USP25: variants seen among roughly 807,000 people sequenced by gnomAD.
USP25 encodes the protein ubiquitin specific peptidase 25.
In USP25, 85 loss-of-function variants were observed where a neutral mutation model predicts 158.5. That is an observed-to-expected ratio of 0.54 (90% CI 0.45 to 0.64). USP25 has a LOEUF of 0.64. Among genes scored for constraint, USP25 ranks in the 30% least tolerant of loss-of-function variants. The pLI, the probability that USP25 is intolerant of heterozygous loss-of-function variation, is 0.00. For missense variants in USP25, 1,242 were observed against 1,327.3 expected, an observed-to-expected ratio of 0.94 and a Z score of 1.00; for synonymous variants, 464 against 460.4, an observed-to-expected ratio of 1.01 and a Z score of -0.10.
intron 11 of USP25, among the ~76,000 whole-genome samples, chr21:15,824,741 C>T (rs755046681): frequency 5.9e-5 from 9 of 152,228 alleles, no homozygotes; most frequent in Non-Finnish European, 1.2e-4. Flanking sequence ...CTCAGCTTCC[C>T]GAGTAGCTGG....
chr21:15,754,377 A>G (rs1370028582), intron 1 of USP25, among the ~76,000 whole-genome samples: 1 of 152,208 alleles, frequency 6.6e-6, no homozygotes, highest in Non-Finnish European at 1.5e-5. Flanking sequence ...GCCAGGCATT[A>G]TATGTATGTA....
intron 22 of USP25, among the ~76,000 whole-genome samples, chr21:15,869,101 A>G (rs542001967): frequency 6.6e-6 from 1 of 152,246 alleles, no homozygotes; most frequent in South Asian, 2.1e-4. Flanking sequence ...TTAAGTAATT[A>G]ACTGGAACTG....
At chr21:15,855,803 T>A (rs371956362) in intron 20 of USP25, among the ~76,000 whole-genome samples, 28 of 152,326 alleles carry the variant, frequency 1.8e-4, no homozygotes, top group African/African-American at 6.5e-4. Context: ...GTACCTTTTT[T>A]CCGCCTTCCC....
intron 16 of USP25, among the ~76,000 whole-genome samples, chr21:15,831,860 C>G (rs1000552633): frequency 1.3e-5 from 2 of 152,092 alleles, no homozygotes; most frequent in Non-Finnish European, 2.9e-5. Flanking sequence ...TTCGTCCTTG[C>G]TAAAAATGCT....
chr21:15,778,103 T>G, intron 4 of USP25, 76 bp downstream of exon 4: 1 of 1,311,146 alleles, frequency 7.6e-7, no homozygotes, highest in Non-Finnish European at 1.0e-6. Context: ...AAATTAATTT[T>G]AAGAGGTAAT....
chr21:15,826,535 T>A lies in USP25; in HGVS notation c.1466+170T>A, dbSNP rs2146363584. Among the ~76,000 whole-genome samples, 2 of 152,348 alleles carry A rather than the reference T, an allele frequency of 1.3e-5. No homozygotes were observed. Among genetic ancestry groups the A allele is most frequent in the South Asian group, 4.1e-4 (2 of 4,828 alleles). ...ATGTCCTCTGGGAGTTTTTTTATTA[T>A]TTCAGTAGATTTTATGGTTATGGAT... is the stretch of plus-strand genomic sequence containing the variant. On this transcript the variant is annotated intron_variant, in intron 13 of 25. Coordinates refer to ENST00000400183, the MANE Select transcript of USP25 (RefSeq NM_001283041.3). This position sits in a 1 kb window ranked among gnomAD's most constrained non-coding sequence, Gnocchi z 4.8.
At chr21:15,863,564 A>G (rs1367918252) in intron 20 of USP25, among the ~76,000 whole-genome samples, 2 of 152,180 alleles carry the variant, frequency 1.3e-5, no homozygotes, top group Admixed American at 6.5e-5. Flanking sequence ...GTTCAAACTG[A>G]TGCTTAGAAA....
chr21:15,828,841 G>C (rs577009740), intron 14 of USP25, among the ~76,000 whole-genome samples: 18 of 152,272 alleles, frequency 1.2e-4, no homozygotes, highest in Middle Eastern at 3.4e-3. Context: ...GTTTCACCAT[G>C]TTGGCCAGGG....
At chr21:15,828,037 T>A (rs2037612849) in intron 14 of USP25, among the ~76,000 whole-genome samples, 1 of 152,094 alleles carries the variant, frequency 6.6e-6, no homozygotes, top group Non-Finnish European at 1.5e-5. Flanking sequence ...TATTGATTTT[T>A]GAAAAAAATG....
Position 15,866,320 on chromosome 21 carries a change from A to G in USP25, c.2781A>G (p.Glu927=). The G allele has an allele frequency of 1.2e-6, 2 of 1,604,934 alleles. No homozygotes were observed. The highest frequency in any genetic ancestry group is 1.7e-6 in the Non-Finnish European group (2 of 1,175,692). The stretch of plus-strand genomic sequence containing the variant: ...CCAAACTGGAAATGATAAAACCTGA[A>G]GAAGTAAACTTGGAGGAATATGAGG... The part of the protein sequence containing the change: ...AQAKLEMIKP[E]EVNLEEYEEW... The change falls in exon 22 of 26, where the codon GAA becomes GAG. Residue 927 remains glutamate (E), a synonymous_variant. Transcript: ENST00000400183.
intron 6 of USP25, among the ~76,000 whole-genome samples, chr21:15,802,820 G>T (rs2036197569): frequency 6.6e-6 from 1 of 151,566 alleles, no homozygotes; most frequent in South Asian, 2.1e-4. Context: ...AGAAATCTGT[G>T]AACCAAATAT....
chr21:15,772,679 A>C (rs553917223), intron 3 of USP25, among the ~76,000 whole-genome samples: 1 of 152,334 alleles, frequency 6.6e-6, no homozygotes, highest in South Asian at 2.1e-4. Flanking sequence ...TTTTTATTAT[A>C]AATTGATAAT....
chr21:15,818,512 A>G (rs2037064639), intron 9 of USP25, among the ~76,000 whole-genome samples, 186 bp from the exon 10 acceptor site: 1 of 152,144 alleles, frequency 6.6e-6, no homozygotes, highest in Admixed American at 6.6e-5. Context: ...TGTAATATCT[A>G]TGGCTGGGTA....
rs1356075636 is a variant in USP25, at chr21:15,875,119, C to T, written c.3009+593C>T. Reference sequence around the variant, plus strand: ...CCTGGGAAGTGGAGGTTGCCTTGAGCCAAGATCGCGCCACTGCATTCCATC... The same window carrying T: ...CCTGGGAAGTGGAGGTTGCCTTGAGTCAAGATCGCGCCACTGCATTCCATC... On this transcript the variant is annotated intron_variant, in intron 24 of 25. Coordinates refer to ENST00000400183, the MANE Select transcript of USP25 (RefSeq NM_001283041.3). This position sits in a 1 kb window ranked among gnomAD's most constrained non-coding sequence, Gnocchi z 4.7. Among the ~76,000 whole-genome samples, 1 of 152,144 alleles carries T rather than the reference C, an allele frequency of 6.6e-6. No individual in the cohort carries two copies. The highest frequency in any genetic ancestry group is 1.5e-5 in the Non-Finnish European group (1 of 68,010).
intron 2 of USP25, among the ~76,000 whole-genome samples, chr21:15,765,130 G>A (rs1357202486): frequency 6.6e-6 from 1 of 152,082 alleles, no homozygotes; most frequent in Admixed American, 6.6e-5. Flanking sequence ...GCATGTCTAA[G>A]TTCTTAGGGA....
At chr21:15,839,376 C>T (rs181396475) in intron 17 of USP25, among the ~76,000 whole-genome samples, 17 of 152,020 alleles carry the variant, frequency 1.1e-4, no homozygotes, top group South Asian at 4.1e-4. Context: ...TGGTAAAAGC[C>T]GAACTTGTTC....
At chr21:15,745,894 G>C (rs951198166) in intron 1 of USP25, among the ~76,000 whole-genome samples, 1 of 152,184 alleles carries the variant, frequency 6.6e-6, no homozygotes, top group East Asian at 1.9e-4. Flanking sequence ...TGTGTTCTGA[G>C]GTGTCACTAA....
intron 1 of USP25, among the ~76,000 whole-genome samples, chr21:15,740,641 GTTTTTTTTTT>G (rs60616271): frequency 0.085 from 3,529 of 41,672 alleles, 241 homozygotes; most frequent in African/African-American, 0.14. Context: ...CTTTCTGGCT[GTTTTTTTTTT>G]TTTTTTTTTT....
chr21:15,826,392 C>G lies in USP25; in HGVS notation c.1466+27C>G. 6.2e-7 allele frequency: 1 copy of G among 1,610,854 alleles called. No individual in the cohort carries two copies. Among genetic ancestry groups the G allele is most frequent in the Non-Finnish European group, 8.5e-7 (1 of 1,177,980 alleles). ...TAAAAAGTAATCCTGATGCAAGAGA[C>G]AGTTGTTACCTTTATTACACAATAA... On this transcript the variant is annotated intron_variant, in intron 13 of 25. Coordinates refer to ENST00000400183, the MANE Select transcript of USP25 (RefSeq NM_001283041.3). This position sits in a 1 kb window ranked among gnomAD's most constrained non-coding sequence, Gnocchi z 4.8.
Sources: gnomAD v4.1 joint callset for allele counts (sites outside exome capture counted in the v4.1 genomes callset) on GRCh38, gnomAD v4.1.1 for gene constraint, Gnocchi (gnomAD v3.1) non-coding constraint, MANE v1.5 for transcripts, NCBI Gene and HGNC (gene_info 2026-07-23, HGNC 2026-07-21) for gene names.